TNKS: variants seen among roughly 807,000 people sequenced by gnomAD.
TNKS encodes tankyrase.
In TNKS, 72 loss-of-function variants were observed where a neutral mutation model predicts 135.8. That is an observed-to-expected ratio of 0.53 (90% CI 0.44 to 0.64). TNKS has a LOEUF of 0.64. TNKS is among the 30% of genes least tolerant of loss of function. The pLI is 0.00. For missense variants in TNKS, 1,769 were observed against 1,674.0 expected (o/e 1.06, Z -0.99); for synonymous variants, 849 against 649.3 (o/e 1.31, Z -4.68).
intron 5 of TNKS, among the ~76,000 whole-genome samples, chr8:9,693,619 A>T (rs1803379666): frequency 2.0e-5 from 3 of 152,202 alleles, no homozygotes; most frequent in African/African-American, 7.2e-5. Context: ...CTGAGAAAAT[A>T]CATATACAAT....
At chr8:9,753,766 C>G (rs925172868) in intron 20 of TNKS, among the ~76,000 whole-genome samples, 1 of 152,164 alleles carries the variant, frequency 6.6e-6, no homozygotes, top group African/African-American at 2.4e-5. Flanking sequence ...CAATTTGGGA[C>G]AGGTGTAATA....
At position 9,775,054 on chromosome 8, in the gene TNKS, G is replaced by A. The variant is rs1204378298; in HGVS notation, c.3898-1596G>A. ...ACCAGAGTGTTCTTATGTGGTAGAT[G>A]CTCAATACACGGATGCTAGTGATAA... On this transcript the variant is annotated intron_variant, in intron 26 of 26. Coordinates refer to ENST00000310430, the MANE Select transcript of TNKS (RefSeq NM_003747.3). Among the ~76,000 whole-genome samples the A allele has an allele frequency of 2.0e-5, 3 of 152,080 alleles. No homozygotes were observed. The East Asian group carries it at 5.8e-4, about 29-fold the overall frequency.
At chr8:9,648,498 C>T (rs1232218421) in intron 3 of TNKS, among the ~76,000 whole-genome samples, 2 of 152,146 alleles carry the variant, frequency 1.3e-5, no homozygotes, top group Non-Finnish European at 2.9e-5. Flanking sequence ...GCTTTCCCCT[C>T]CCCATGCCGT....
At chr8:9,580,513 A>G (rs1003171292) in intron 2 of TNKS, 130 bp downstream of exon 2, 9 of 787,054 alleles carry the variant, frequency 1.1e-5, no homozygotes, top group African/African-American at 3.5e-5. Context: ...GTTCTTTTCC[A>G]TCAAAAGGTA....
rs114911358 is a variant in TNKS at position 9,608,572 on chromosome 8, C to G, written c.899-7010C>G. On this transcript the variant is annotated intron_variant, in intron 2 of 26. Transcript: ENST00000310430. ...CTAGCAGCTATTGCCAAATAAGCCTCAGGGGTTTTGTCCTGCACAGGTACA... is the reference window on the plus strand; with the variant it reads ...CTAGCAGCTATTGCCAAATAAGCCTGAGGGGTTTTGTCCTGCACAGGTACA... 5.9e-5 allele frequency among the ~76,000 whole-genome samples: 9 copies of G among 152,222 alleles called. No homozygotes were observed. The South Asian group carries it at 1.9e-3, about 32-fold the overall frequency.
At chr8:9,746,378 A>C (rs1806236306) in intron 17 of TNKS, among the ~76,000 whole-genome samples, 1 of 152,200 alleles carries the variant, frequency 6.6e-6, no homozygotes, top group East Asian at 1.9e-4. Context: ...TTTTGGGAAG[A>C]AGCTGAAGCC....
At chr8:9,724,956 A>T (rs868861044) in intron 12 of TNKS, among the ~76,000 whole-genome samples, 1 of 74,956 alleles carries the variant, frequency 1.3e-5, no homozygotes, top group South Asian at 4.1e-4. Flanking sequence ...ATACTCAGTT[A>T]TAACTCTATA....
At chr8:9,745,062 A>T (rs1391154346) in intron 17 of TNKS, among the ~76,000 whole-genome samples, 1 of 152,222 alleles carries the variant, frequency 6.6e-6, no homozygotes. Flanking sequence ...AAAATTAATC[A>T]TCAGAAACAC....
intron 2 of TNKS, among the ~76,000 whole-genome samples, chr8:9,613,578 G>A (rs1446292702): frequency 2.0e-5 from 3 of 152,242 alleles, no homozygotes; most frequent in African/African-American, 7.2e-5. Flanking sequence ...AAGTTCAGCT[G>A]CTTCTTTCCT....
At chr8:9,653,263 A>G in intron 3 of TNKS, among the ~76,000 whole-genome samples, 1 of 152,156 alleles carries the variant, frequency 6.6e-6, no homozygotes. Flanking sequence ...CATCAAGCAA[A>G]GATAGGTTTG....
intron 3 of TNKS, among the ~76,000 whole-genome samples, chr8:9,638,599 A>G (rs1275132619): frequency 6.6e-6 from 1 of 152,240 alleles, no homozygotes; most frequent in Non-Finnish European, 1.5e-5. Flanking sequence ...AAATTATTCT[A>G]AGTTTATTTT....
chr8:9,656,788 C>T (rs990265202), intron 3 of TNKS, among the ~76,000 whole-genome samples: 4 of 149,788 alleles, frequency 2.7e-5, no homozygotes, highest in African/African-American at 7.4e-5. Flanking sequence ...TGTTTGTGTC[C>T]CTGGGTACTT....
At chr8:9,729,805 C>T (rs1209503193) in intron 13 of TNKS, among the ~76,000 whole-genome samples, 1 of 115,004 alleles carries the variant, frequency 8.7e-6, no homozygotes, top group East Asian at 2.6e-4. Context: ...GATGGGGTCT[C>T]ACTCTGTCAC....
intron 3 of TNKS, among the ~76,000 whole-genome samples, chr8:9,666,748 G>A (rs909109383): frequency 6.6e-6 from 1 of 151,310 alleles, no homozygotes; most frequent in African/African-American, 2.4e-5. Flanking sequence ...AAAATACATA[G>A]CAATCTTGAA....
intron 2 of TNKS, among the ~76,000 whole-genome samples, chr8:9,591,879 A>T (rs1446308835): frequency 3.9e-5 from 6 of 152,170 alleles, no homozygotes; most frequent in African/African-American, 1.4e-4. Flanking sequence ...GAGAAATAAC[A>T]TTATCGTTTT....
At chr8:9,707,081 C>T (rs879813825) in intron 8 of TNKS, 84 bp downstream of exon 8, 37 of 1,179,128 alleles carry the variant, frequency 3.1e-5, no homozygotes, top group Non-Finnish European at 3.6e-5. Context: ...AAATAATAAC[C>T]TTCCATTCTT....
chr8:9,659,160 A>G (rs1801571663), intron 3 of TNKS, among the ~76,000 whole-genome samples: 1 of 152,250 alleles, frequency 6.6e-6, no homozygotes, highest in African/African-American at 2.4e-5. Context: ...CCCACTGTCA[A>G]CATTAGACAG....
At chr8:9,692,607 C>G (rs776598690) in intron 5 of TNKS, among the ~76,000 whole-genome samples, 9 of 152,084 alleles carry the variant, frequency 5.9e-5, no homozygotes, top group Non-Finnish European at 1.0e-4. Context: ...GAGAAAGACT[C>G]GTAATGGGAG....
At chr8:9,638,240 G>A (rs183938126) in intron 3 of TNKS, among the ~76,000 whole-genome samples, 161 of 152,312 alleles carry the variant, frequency 1.1e-3, no homozygotes, top group African/African-American at 3.7e-3. Context: ...CTCCTAAAGC[G>A]TTGGGATTAC....
Sources: gnomAD v4.1 joint callset for allele counts (sites outside exome capture counted in the v4.1 genomes callset) on GRCh38, gnomAD v4.1.1 for gene constraint, MANE v1.5 for transcripts, NCBI Gene and HGNC (gene_info 2026-07-23, HGNC 2026-07-21) for gene names.